The following HSD17B11 variants were observed in gnomAD, a reference collection of about 807,000 sequenced individuals.
HSD17B11 encodes the protein estradiol 17-beta-dehydrogenase 11.
In HSD17B11, 22 loss-of-function variants were observed where a neutral mutation model predicts 27.8. The ratio of observed to expected loss-of-function variants is 0.79; its 90% CI spans 0.56 to 1.13. HSD17B11 has a LOEUF of 1.13. HSD17B11 is among the 50% of genes most tolerant of loss of function. HSD17B11 has a pLI of 0.00. For synonymous variants in HSD17B11, 117 were observed against 132.8 expected (o/e 0.88, Z 0.82); for missense variants, 314 against 351.1 (o/e 0.89, Z 0.84).
At chr4:87,378,856 A>T (rs1338102987) in intron 2 of HSD17B11, among the ~76,000 whole-genome samples, 1 of 22,288 alleles carries the variant, frequency 4.5e-5, no homozygotes, top group African/African-American at 3.5e-4. Flanking sequence ...ATATATATAT[A>T]AATATATATA....
chr4:87,377,889 T>C (rs1411675319), intron 2 of HSD17B11, among the ~76,000 whole-genome samples: 2 of 152,244 alleles, frequency 1.3e-5, no homozygotes, highest in African/African-American at 2.4e-5. Flanking sequence ...ATTTTTCTTA[T>C]TGAATTCTCA....
chr4:87,378,952 ATATATATATT>A lies in HSD17B11; in HGVS notation c.318+3293_318+3302del, dbSNP rs1298456104. 5.7e-4 allele frequency among the ~76,000 whole-genome samples: 15 copies of A among 26,258 alleles called. 1 individual carries two copies. In the East Asian group the frequency reaches 8.6e-3, roughly 15 times the overall value. The allele number at this position is 26,258 out of a possible 152,430, so 17.2% of individuals were successfully genotyped here. A position where few individuals can be genotyped will look rare whatever the true frequency, so the allele number is the denominator to read the frequency against. On this transcript the variant is annotated intron_variant, in intron 2 of 6. Coordinates refer to ENST00000358290, the MANE Select transcript of HSD17B11 (RefSeq NM_016245.5). ...TAAATATATATATATATATATTTATATATATATATTTTTTTTTTTTTTTGAGATGGTGTCT... is the reference window on the plus strand; with the variant it reads ...TAAATATATATATATATATATTTATATTTTTTTTTTTTTGAGATGGTGTCT...
intron 4 of HSD17B11, among the ~76,000 whole-genome samples, chr4:87,371,295 C>A (rs1319024599): frequency 6.6e-6 from 1 of 152,196 alleles, no homozygotes; most frequent in Admixed American, 6.5e-5. Flanking sequence ...AATGATCACA[C>A]TATAGCTACT....
intron 4 of HSD17B11, among the ~76,000 whole-genome samples, chr4:87,370,755 A>T (rs372305240): frequency 0.18 from 10,000 of 56,420 alleles, 1,206 homozygotes; most frequent in South Asian, 0.31. Context: ...TATTATTATT[A>T]TTTTTTTTTT....
chr4:87,370,755 A>ATTATTTTTTT lies in HSD17B11; in HGVS notation c.557+1953_557+1954insAAAAAAATAA, dbSNP rs70957229. 2.8e-4 allele frequency among the ~76,000 whole-genome samples: 16 copies of ATTATTTTTTT among 57,512 alleles called. No homozygotes were observed. In the East Asian group the frequency reaches 3.7e-3, roughly 13 times the overall value. 37.7% of individuals were successfully genotyped at this position (57,512 alleles called of 152,430 possible). A position where few individuals can be genotyped will look rare whatever the true frequency, so the allele number is the denominator to read the frequency against. On this transcript the variant is annotated intron_variant, in intron 4 of 6. Coordinates refer to ENST00000358290, the MANE Select transcript of HSD17B11 (RefSeq NM_016245.5). ...TATTATTATTATTATTATTATTATT[A>ATTATTTTTTT]TTTTTTTTTTTTTTTGAGACGGAGT...
chr4:87,339,353 T>G (rs1046884437), intron 6 of HSD17B11, among the ~76,000 whole-genome samples: 1 of 152,256 alleles, frequency 6.6e-6, no homozygotes, highest in African/African-American at 2.4e-5. Flanking sequence ...GCTTTTCATT[T>G]CTTGAGTTTT....
intron 1 of HSD17B11, among the ~76,000 whole-genome samples, chr4:87,385,281 T>C (rs76333428): frequency 0.038 from 5,762 of 152,240 alleles, 387 homozygotes; most frequent in African/African-American, 0.13. Flanking sequence ...TGACACATGC[T>C]ACACGTACAA....
intron 2 of HSD17B11, among the ~76,000 whole-genome samples, chr4:87,379,076 A>T (rs1399430176): frequency 6.9e-6 from 1 of 144,348 alleles, no homozygotes; most frequent in Non-Finnish European, 1.5e-5. Flanking sequence ...TCTCACCTCA[A>T]CCTCCCAAGT....
In HSD17B11 at chr4:87,390,948, A is replaced by G; in HGVS notation, c.123T>C (p.Ile41=). 6.2e-7 allele frequency: 1 copy of G among 1,614,188 alleles called. No individual in the cohort carries two copies. The highest frequency in any genetic ancestry group is 8.5e-7 in the Non-Finnish European group (1 of 1,180,020). The change falls in exon 1 of 7, where the codon ATT becomes ATC. Residue 41 remains isoleucine, a synonymous_variant. Coordinates refer to ENST00000358290, the MANE Select transcript of HSD17B11 (RefSeq NM_016245.5). ...RKSVTGEIVL[I]TGAGHGIGRL... ...TCCCAATTCCATGCCCAGCTCCTGTAATCAGCACGATTTCGCCGGTGACTG... is the reference window on the plus strand; with the variant it reads ...TCCCAATTCCATGCCCAGCTCCTGTGATCAGCACGATTTCGCCGGTGACTG...
intron 1 of HSD17B11, among the ~76,000 whole-genome samples, chr4:87,388,555 C>A (rs1017412153): frequency 7.9e-5 from 12 of 152,214 alleles, no homozygotes; most frequent in African/African-American, 2.9e-4. Flanking sequence ...TCAGTGGGGC[C>A]TTCCTGGCCA....
chr4:87,375,320 T>C (rs951198965), intron 2 of HSD17B11, among the ~76,000 whole-genome samples: 1 of 152,232 alleles, frequency 6.6e-6, no homozygotes, highest in Non-Finnish European at 1.5e-5. Flanking sequence ...AGATCTATCT[T>C]CAAGTGTATC....
At chr4:87,370,207 A>T (rs1735681871) in intron 4 of HSD17B11, among the ~76,000 whole-genome samples, 1 of 152,114 alleles carries the variant, frequency 6.6e-6, no homozygotes, top group Non-Finnish European at 1.5e-5. Flanking sequence ...AGCATATATG[A>T]TGAATTCCAC....
chr4:87,343,335 A>C (rs1169377084), intron 5 of HSD17B11, among the ~76,000 whole-genome samples: 1 of 152,164 alleles, frequency 6.6e-6, no homozygotes, highest in African/African-American at 2.4e-5. Flanking sequence ...AGTTAACGAG[A>C]GTTACAAATC....
At position 87,337,177 on chromosome 4, in the gene HSD17B11, G is replaced by T. The variant is rs1338485849; in HGVS notation, c.*99C>A. 1.4e-5 allele frequency: 11 copies of T among 778,946 alleles called. No individual in the cohort carries two copies. Among genetic ancestry groups the T allele is most frequent in the African/African-American group, 1.1e-4 (6 of 57,006 alleles). 48.3% of individuals were successfully genotyped at this position (778,946 alleles called of 1,614,324 possible). A position where few individuals can be genotyped will look rare whatever the true frequency, so the allele number is the denominator to read the frequency against. ...CTCAAAAATGATATTGAAGAAATGG[G>T]GATAATTAGAAAAAACAGAAGTTCA... On this transcript the variant is annotated 3_prime_UTR_variant, in exon 7 of 7. Coordinates refer to ENST00000358290, the MANE Select transcript of HSD17B11 (RefSeq NM_016245.5).
rs923031091 is a variant in HSD17B11 at position 87,337,428 on chromosome 4, C to A, written c.813-62G>T. 8 of 924,924 alleles carry A rather than the reference C, an allele frequency of 8.6e-6. 1 individual carries two copies. In the Admixed American group the frequency reaches 1.4e-4, roughly 16 times the overall value. 57.3% of individuals were successfully genotyped at this position (924,924 alleles called of 1,614,324 possible). A position where few individuals can be genotyped will look rare whatever the true frequency, so the allele number is the denominator to read the frequency against. On this transcript the variant is annotated intron_variant, in intron 6 of 6. Coordinates refer to ENST00000358290, the MANE Select transcript of HSD17B11 (RefSeq NM_016245.5). ...ATATTAAGTGCATTTGTAGAATACC[C>A]TCTTTAGAAATACTTTTAAGTTATC...
intron 1 of HSD17B11, among the ~76,000 whole-genome samples, chr4:87,386,310 C>A (rs564756565): frequency 1.3e-5 from 2 of 151,778 alleles, no homozygotes; most frequent in African/African-American, 4.8e-5. Context: ...TCAAGTGATT[C>A]TCCTGCCTCA....
At chr4:87,338,592 G>A (rs1303783772) in intron 6 of HSD17B11, among the ~76,000 whole-genome samples, 1 of 152,146 alleles carries the variant, frequency 6.6e-6, no homozygotes, top group Non-Finnish European at 1.5e-5. Flanking sequence ...ATGGAGTGCA[G>A]TGGCATGATC....
intron 4 of HSD17B11, among the ~76,000 whole-genome samples, chr4:87,361,043 T>C (rs1178336861): frequency 4.6e-5 from 7 of 152,178 alleles, no homozygotes; most frequent in Admixed American, 4.6e-4. Flanking sequence ...CCACAGCAAC[T>C]CCATCTTAAA....
chr4:87,384,942 C>A (rs570559183), intron 1 of HSD17B11, among the ~76,000 whole-genome samples: 1 of 152,106 alleles, frequency 6.6e-6, no homozygotes, highest in South Asian at 2.1e-4. Context: ...CGTGATGTCA[C>A]CCCCAGCGGC....
Sources: gnomAD v4.1 joint callset for allele counts (sites outside exome capture counted in the v4.1 genomes callset) on GRCh38, gnomAD v4.1.1 for gene constraint, MANE v1.5 for transcripts, NCBI Gene and HGNC (gene_info 2026-07-23, HGNC 2026-07-21) for gene names.